Variants in INPP4B observed in about 807,000 individuals in gnomAD.
The protein encoded by INPP4B is inositol polyphosphate-4-phosphatase type II B, also known as inositol polyphosphate 4-phosphatase type II.
Under a neutral mutation model 122.5 loss-of-function variants are expected in INPP4B, and 55 were observed. The observed-to-expected ratio is 0.45, with a 90% CI of 0.36 to 0.56. The LOEUF (loss-of-function observed/expected upper bound fraction) is 0.56, where lower values mean the gene tolerates loss of function less well. Among genes scored for constraint, INPP4B ranks in the 20% least tolerant of loss-of-function variants. The pLI, the probability that INPP4B is intolerant of heterozygous loss-of-function variation, is 0.00. For synonymous variants in INPP4B, 403 were observed against 388.7 expected (o/e 1.04, Z -0.43); for missense variants, 1,000 against 1,097.7 (o/e 0.91, Z 1.26).
intron 2 of INPP4B, among the ~76,000 whole-genome samples, chr4:142,632,311 T>C (rs1418150794): frequency 6.6e-6 from 1 of 152,138 alleles, no homozygotes; most frequent in East Asian, 1.9e-4. Context: ...CTGGAGGTCA[T>C]TATGCTAAGT....
In INPP4B at chr4:142,586,116, C is replaced by T. The variant is rs143792204; in HGVS notation, c.-190-123390G>A. On this transcript the variant is annotated intron_variant, in intron 2 of 25. Transcript: ENST00000262992. The stretch of plus-strand genomic sequence containing the variant: ...CTTGAACTCAGGTGTTGGAGACCAG[C>T]CTGGGCAACAAGACAAAATGCTGTC... Among the ~76,000 whole-genome samples the T allele has an allele frequency of 2.7e-3, 406 of 152,064 alleles. 6 individuals are homozygous for T. Among genetic ancestry groups the T allele is most frequent in the East Asian group, 0.018 (95 of 5,158 alleles).
chr4:142,553,757 C>G (rs1728501241), intron 2 of INPP4B, among the ~76,000 whole-genome samples: 1 of 152,206 alleles, frequency 6.6e-6, no homozygotes, highest in East Asian at 1.9e-4. Flanking sequence ...TCCCAACCCC[C>G]AAATAAAACA....
intron 18 of INPP4B, among the ~76,000 whole-genome samples, chr4:142,132,534 T>C (rs1221437021): frequency 6.6e-6 from 1 of 152,186 alleles, no homozygotes; most frequent in African/African-American, 2.4e-5. Flanking sequence ...AACAAAGTAA[T>C]TTCTACATGA....
chr4:142,197,781 A>T (rs1051960509), intron 14 of INPP4B, among the ~76,000 whole-genome samples: 6 of 152,168 alleles, frequency 3.9e-5, no homozygotes, highest in African/African-American at 1.4e-4. Flanking sequence ...TCAAAATAAT[A>T]CTATAAGATA....
chr4:142,789,998 C>T (rs1776313450), intron 1 of INPP4B, among the ~76,000 whole-genome samples: 1 of 151,938 alleles, frequency 6.6e-6, no homozygotes, highest in African/African-American at 2.4e-5. Context: ...CCATATTCAA[C>T]AAATGGTGCT....
intron 2 of INPP4B, among the ~76,000 whole-genome samples, chr4:142,694,457 A>G (rs997792950): frequency 6.6e-6 from 1 of 152,146 alleles, no homozygotes; most frequent in East Asian, 1.9e-4. Flanking sequence ...AATAATCTTT[A>G]ATAAATAAAG....
intron 2 of INPP4B, among the ~76,000 whole-genome samples, chr4:142,709,164 G>A (rs535270110): frequency 2.0e-5 from 3 of 152,288 alleles, no homozygotes; most frequent in African/African-American, 4.8e-5. Context: ...TTTTTGAAAT[G>A]AGTGCATTTA....
At chr4:142,109,063 A>G (rs1350182822) in intron 22 of INPP4B, among the ~76,000 whole-genome samples, 2 of 152,022 alleles carry the variant, frequency 1.3e-5, no homozygotes, top group Admixed American at 1.3e-4. Context: ...TTCAAAATCT[A>G]GGCATCATTT....
intron 3 of INPP4B, among the ~76,000 whole-genome samples, chr4:142,439,739 G>A (rs908855986): frequency 1.3e-5 from 2 of 152,158 alleles, no homozygotes; most frequent in Non-Finnish European, 2.9e-5. Context: ...AGCCAGTTAT[G>A]GAGTTGAGTT....
intron 18 of INPP4B, among the ~76,000 whole-genome samples, chr4:142,125,194 C>T (rs1038485926): frequency 2.0e-5 from 3 of 151,992 alleles, no homozygotes; most frequent in Non-Finnish European, 4.4e-5. Flanking sequence ...CCATGCCCAT[C>T]GTTGTTTATT....
chr4:142,810,764 T>A (rs966571242), intron 1 of INPP4B, among the ~76,000 whole-genome samples: 2 of 152,200 alleles, frequency 1.3e-5, no homozygotes, highest in African/African-American at 4.8e-5. Flanking sequence ...TCTCACATTG[T>A]AATCCTAAAG....
intron 9 of INPP4B, among the ~76,000 whole-genome samples, chr4:142,282,338 TAG>T (rs989954661): frequency 2.0e-5 from 3 of 152,098 alleles, no homozygotes; most frequent in African/African-American, 7.2e-5. Context: ...TAAAGCTAGA[TAG>T]GTGGGGAAGA....
At chr4:142,287,846 C>T (rs1264602576) in intron 9 of INPP4B, among the ~76,000 whole-genome samples, 1 of 152,130 alleles carries the variant, frequency 6.6e-6, no homozygotes, top group Non-Finnish European at 1.5e-5. Flanking sequence ...AACTGAAGAA[C>T]TTAAAAAAAC....
At chr4:142,499,106 G>A (rs1394325773) in intron 2 of INPP4B, among the ~76,000 whole-genome samples, 1 of 152,106 alleles carries the variant, frequency 6.6e-6, no homozygotes, top group Non-Finnish European at 1.5e-5. Context: ...GACCTTTGTA[G>A]TTAGGTAAAG....
chr4:142,658,986 AC>A (rs1158575000), intron 2 of INPP4B, among the ~76,000 whole-genome samples: 1 of 152,172 alleles, frequency 6.6e-6, no homozygotes, highest in Non-Finnish European at 1.5e-5. Context: ...ATTAAAGCCA[AC>A]CCAAAAGGCG....
At chr4:142,252,272 T>G (rs1009074424) in intron 11 of INPP4B, among the ~76,000 whole-genome samples, 1 of 146,712 alleles carries the variant, frequency 6.8e-6, no homozygotes, top group Non-Finnish European at 1.5e-5. Flanking sequence ...CACTGCAAGC[T>G]CCGCCTCCCG....
intron 2 of INPP4B, among the ~76,000 whole-genome samples, chr4:142,653,346 T>C (rs956456784): frequency 6.6e-6 from 1 of 152,114 alleles, no homozygotes; most frequent in Admixed American, 6.5e-5. Flanking sequence ...CCAAAAGCAA[T>C]GGCAACAAAA....
At chr4:142,344,789 A>C (rs1252120289) in intron 7 of INPP4B, among the ~76,000 whole-genome samples, 4 of 151,994 alleles carry the variant, frequency 2.6e-5, no homozygotes, top group Non-Finnish European at 5.9e-5. Flanking sequence ...TGGGGGATGA[A>C]ATAATCTGTA....
chr4:142,642,473 G>T (rs1750727392), intron 2 of INPP4B, among the ~76,000 whole-genome samples: 1 of 152,094 alleles, frequency 6.6e-6, no homozygotes, highest in Admixed American at 6.6e-5. Flanking sequence ...TCCAGTTTCA[G>T]CTTTCTACAT....
Sources: gnomAD v4.1 joint callset for allele counts (sites outside exome capture counted in the v4.1 genomes callset) on GRCh38, gnomAD v4.1.1 for gene constraint, MANE v1.5 for transcripts, NCBI Gene and HGNC (gene_info 2026-07-23, HGNC 2026-07-21) for gene names.